The following DCLK2 variants were observed in gnomAD, a reference collection of about 807,000 sequenced individuals.
The protein encoded by DCLK2 is doublecortin like kinase 2, also known as serine/threonine-protein kinase DCLK2.
DCLK2 carries 31 observed loss-of-function variants against 78.4 expected under a neutral mutation model. The ratio of observed to expected loss-of-function variants is 0.40; its 90% CI spans 0.30 to 0.53. The LOEUF is 0.53. Among genes scored for constraint, DCLK2 ranks in the 20% least tolerant of loss-of-function variants. The pLI, the probability that DCLK2 is intolerant of heterozygous loss-of-function variation, is 0.61. For synonymous variants in DCLK2, 407 were observed against 374.9 expected, an observed-to-expected ratio of 1.09 and a Z score of -0.99; for missense variants, 872 against 973.7, an observed-to-expected ratio of 0.90 and a Z score of 1.39.
chr4:150,257,070 G>T lies in DCLK2; in HGVS notation c.*823G>T, dbSNP rs1312888507. Reference sequence around the variant, plus strand: ...AGGCTTGGCGCATGCGGCACCCAGCGGCTGCTTCCCTGCAAGCCAGCGACT... The same window carrying T: ...AGGCTTGGCGCATGCGGCACCCAGCTGCTGCTTCCCTGCAAGCCAGCGACT... On this transcript the variant is annotated 3_prime_UTR_variant, in exon 16 of 16. Coordinates refer to ENST00000296550, the MANE Select transcript of DCLK2 (RefSeq NM_001040260.4). 6.6e-6 allele frequency: 1 copy of T among 152,292 alleles called. No individual in the cohort carries two copies. The highest frequency in any genetic ancestry group is 1.5e-5 in the Non-Finnish European group (1 of 68,062). The allele number at this position is 152,292 out of a possible 1,614,324, so 9.4% of individuals were successfully genotyped here.
chr4:150,153,160 A>G (rs1318677804), intron 2 of DCLK2, among the ~76,000 whole-genome samples: 2 of 152,212 alleles, frequency 1.3e-5, no homozygotes, highest in African/African-American at 4.8e-5. Flanking sequence ...AGGATCTACC[A>G]TTGCAGATCC....
intron 10 of DCLK2, among the ~76,000 whole-genome samples, chr4:150,233,881 C>CGTT (rs1742267281): frequency 6.6e-6 from 1 of 152,140 alleles, no homozygotes; most frequent in Non-Finnish European, 1.5e-5. Context: ...CTCGTGACCA[C>CGTT]GTTATAGAAG....
intron 6 of DCLK2, 72 bp from the exon 7 acceptor site, chr4:150,221,605 T>G: frequency 1.0e-6 from 1 of 961,436 alleles, no homozygotes; most frequent in Non-Finnish European, 1.5e-6. Flanking sequence ...CAGTTTACTA[T>G]TTTACAAATA....
chr4:150,221,215 C>T (rs1453346734), intron 6 of DCLK2, among the ~76,000 whole-genome samples: 1 of 152,040 alleles, frequency 6.6e-6, no homozygotes, highest in Non-Finnish European at 1.5e-5. Context: ...AACAAGGCAT[C>T]TATCTTATCT....
At position 150,118,016 on chromosome 4, in the gene DCLK2, CA is replaced by C. The variant is rs1262926850; in HGVS notation, c.756+15210del. ...CATTTTACAGTGGGGAAATTGAGGC[CA>C]AAAAATTCAAGTACCTATTCAGAAT... is the stretch of plus-strand genomic sequence containing the variant. On this transcript the variant is annotated intron_variant, in intron 2 of 15. Coordinates refer to ENST00000296550, the MANE Select transcript of DCLK2 (RefSeq NM_001040260.4). Among the ~76,000 whole-genome samples the C allele has an allele frequency of 3.9e-5, 6 of 152,104 alleles. No homozygotes were observed. The South Asian group carries it at 8.3e-4, about 21-fold the overall frequency.
intron 2 of DCLK2, among the ~76,000 whole-genome samples, chr4:150,139,816 A>C (rs945781586): frequency 1.3e-5 from 2 of 152,218 alleles, no homozygotes; most frequent in Non-Finnish European, 2.9e-5. Context: ...TCAAGTGTAC[A>C]TTCCAGTATA....
intron 2 of DCLK2, among the ~76,000 whole-genome samples, chr4:150,183,036 TG>T (rs1235088639): frequency 6.6e-6 from 1 of 152,138 alleles, no homozygotes; most frequent in Non-Finnish European, 1.5e-5. Context: ...TAAAAAATGC[TG>T]ATCTATTCTA....
chr4:150,092,924 T>G (rs971265637), intron 1 of DCLK2, among the ~76,000 whole-genome samples: 1 of 152,084 alleles, frequency 6.6e-6, no homozygotes, highest in Admixed American at 6.6e-5. Context: ...AACCTAGTAC[T>G]GGAAGTCTTA....
rs566165276 is a variant in DCLK2 at position 150,194,225 on chromosome 4, T to G, written c.859+985T>G. 5.9e-5 allele frequency among the ~76,000 whole-genome samples: 9 copies of G among 152,296 alleles called. No homozygotes were observed. The South Asian group carries it at 1.9e-3, about 32-fold the overall frequency. ...TCCTTACCGTTGTGTTACGGTTGCC[T>G]ACAGTATTTGGTACAGTTACGTGCT... is the stretch of plus-strand genomic sequence containing the variant. On this transcript the variant is annotated intron_variant, in intron 3 of 15. Transcript: ENST00000296550.
chr4:150,145,356 G>T (rs1309948194), intron 2 of DCLK2, among the ~76,000 whole-genome samples: 1 of 152,082 alleles, frequency 6.6e-6, no homozygotes, highest in East Asian at 1.9e-4. Context: ...TCTTGGGCTG[G>T]TTTTTTAATC....
At chr4:150,137,502 G>T (rs1487565100) in intron 2 of DCLK2, among the ~76,000 whole-genome samples, 1 of 152,076 alleles carries the variant, frequency 6.6e-6, no homozygotes, top group African/African-American at 2.4e-5. Flanking sequence ...AAGAACAGGG[G>T]ACAGTGAATA....
chr4:150,141,858 G>A (rs970831022), intron 2 of DCLK2, among the ~76,000 whole-genome samples: 6 of 152,310 alleles, frequency 3.9e-5, no homozygotes, highest in South Asian at 2.1e-4. Context: ...CCTCATGAGA[G>A]TAGCGTGATT....
At chr4:150,206,941 G>T (rs1039201020) in intron 5 of DCLK2, among the ~76,000 whole-genome samples, 3 of 152,112 alleles carry the variant, frequency 2.0e-5, no homozygotes, top group Non-Finnish European at 4.4e-5. Flanking sequence ...TGATGTCATT[G>T]CAAGGCACCA....
At chr4:150,220,592 C>T (rs781590052) in intron 5 of DCLK2, 111 bp from the exon 6 acceptor site, 127 of 805,798 alleles carry the variant, frequency 1.6e-4, no homozygotes, top group African/African-American at 1.0e-3. Context: ...AACGCCTCCT[C>T]GGTTTCTGTG....
chr4:150,253,094 C>A (rs1332466640), intron 15 of DCLK2, among the ~76,000 whole-genome samples: 6 of 141,674 alleles, frequency 4.2e-5, no homozygotes, highest in African/African-American at 1.7e-4. Context: ...CCTCATCCTC[C>A]TCGTCCTCCT....
chr4:150,080,427 C>T (rs1235973508), intron 1 of DCLK2, among the ~76,000 whole-genome samples: 1 of 152,306 alleles, frequency 6.6e-6, no homozygotes. Context: ...GGTTAAGAAC[C>T]TGTTTCCAGT....
At chr4:150,092,575 T>C (rs989596731) in intron 1 of DCLK2, among the ~76,000 whole-genome samples, 1 of 152,228 alleles carries the variant, frequency 6.6e-6, no homozygotes, top group African/African-American at 2.4e-5. Context: ...TTTCATATAC[T>C]TGGCCATTTG....
intron 3 of DCLK2, among the ~76,000 whole-genome samples, chr4:150,196,699 C>T (rs189403338): frequency 6.6e-5 from 10 of 151,768 alleles, no homozygotes; most frequent in Middle Eastern, 6.8e-3. Flanking sequence ...ACAGCCAAGG[C>T]CCCTAGTTAA....
intron 2 of DCLK2, among the ~76,000 whole-genome samples, chr4:150,157,303 C>CA (rs1560819762): frequency 1.1e-4 from 16 of 151,340 alleles, no homozygotes. Flanking sequence ...GTTTTTGAGA[C>CA]AAGGTCTTGC....
Sources: allele counts gnomAD v4.1 joint callset (sites outside exome capture counted in the v4.1 genomes callset), GRCh38; gene constraint gnomAD v4.1.1; transcripts MANE v1.5; gene names NCBI Gene and HGNC (gene_info 2026-07-23, HGNC 2026-07-21).